The following CCDC85C variants were observed in gnomAD, a reference collection of about 807,000 sequenced individuals.
The protein encoded by CCDC85C is coiled-coil domain-containing protein 85C.
In CCDC85C, 18 loss-of-function variants were observed where a neutral mutation model predicts 38.3. The ratio of observed to expected loss-of-function variants is 0.47; its 90% CI spans 0.33 to 0.70. The LOEUF is 0.70. CCDC85C is among the 30% of genes least tolerant of loss of function. The probability of loss-of-function intolerance (pLI) is 0.03; values close to 1 mark genes in which losing one functional copy is unlikely to be tolerated. For synonymous variants in CCDC85C, 264 were observed against 293.8 expected, an observed-to-expected ratio of 0.90 and a Z score of 1.04; for missense variants, 566 against 621.2, an observed-to-expected ratio of 0.91 and a Z score of 0.94.
intron 3 of CCDC85C, among the ~76,000 whole-genome samples, chr14:99,518,793 G>C (rs1897264937): frequency 6.6e-6 from 1 of 152,222 alleles, no homozygotes; most frequent in South Asian, 2.1e-4. Flanking sequence ...ACAGGCAGGA[G>C]GGAAGCCAGG....
intron 1 of CCDC85C, among the ~76,000 whole-genome samples, chr14:99,601,698 T>G (rs1242108064): frequency 1.3e-5 from 2 of 152,066 alleles, no homozygotes; most frequent in Non-Finnish European, 2.9e-5. Flanking sequence ...ACCACCTAAC[T>G]TTGCGCTACT....
rs1441198272 is a variant in CCDC85C at position 99,545,917 on chromosome 14, C to A, written c.794-9829G>T. Among the ~76,000 whole-genome samples the A allele has an allele frequency of 1.3e-5, 2 of 152,104 alleles. No homozygotes were observed. Among genetic ancestry groups the A allele is most frequent in the African/African-American group, 4.8e-5 (2 of 41,418 alleles). On this transcript the variant is annotated intron_variant, in intron 1 of 5. Transcript: ENST00000380243. The surrounding 1 kb of genome is among the most constrained non-coding windows in gnomAD (Gnocchi z 4.7). ...GCTCTGTGGTCACTGTTCCAATCAT[C>A]CAACTCCCAGCCTCCAACTCCGAGG...
intron 1 of CCDC85C, among the ~76,000 whole-genome samples, chr14:99,552,529 C>T (rs1281734436): frequency 1.3e-5 from 2 of 152,230 alleles, no homozygotes; most frequent in African/African-American, 2.4e-5. Context: ...CGAGGTCAGA[C>T]TCTCTAGACC....
At chr14:99,563,288 G>A (rs192611518) in intron 1 of CCDC85C, among the ~76,000 whole-genome samples, 23 of 152,354 alleles carry the variant, frequency 1.5e-4, no homozygotes, top group Non-Finnish European at 2.6e-4. Context: ...CTGCCCTGCC[G>A]CGTTCCATCC....
chr14:99,559,155 A>G (rs1458119254), intron 1 of CCDC85C, among the ~76,000 whole-genome samples: 1 of 152,128 alleles, frequency 6.6e-6, no homozygotes, highest in Non-Finnish European at 1.5e-5. Context: ...TCTTTTATTT[A>G]TAAATTACCC....
At chr14:99,547,572 G>A (rs574488065) in intron 1 of CCDC85C, among the ~76,000 whole-genome samples, 6 of 152,200 alleles carry the variant, frequency 3.9e-5, no homozygotes, top group Middle Eastern at 3.4e-3. Context: ...CCAGGAGTTC[G>A]AGACTAGCCT....
Position 99,540,663 on chromosome 14 carries a change from G to T in CCDC85C, c.794-4575C>A, listed in dbSNP as rs113176006. ...TGGGGTGCTCCCCTAACCCGTCTGG[G>T]GGCCATCGGACCAATTCTGGGGGAT... On this transcript the variant is annotated intron_variant, in intron 1 of 5. Transcript: ENST00000380243. Among the ~76,000 whole-genome samples the T allele has an allele frequency of 3.2e-3, 487 of 152,268 alleles. 8 individuals carry two copies. Among genetic ancestry groups the T allele is most frequent in the African/African-American group, 0.011 (459 of 41,540 alleles).
chr14:99,536,092 G>A lies in CCDC85C; in HGVS notation c.794-4C>T. 1.3e-6 allele frequency: 2 copies of A among 1,548,518 alleles called. No homozygotes were observed. Among genetic ancestry groups the A allele is most frequent in the Non-Finnish European group, 1.7e-6 (2 of 1,144,186 alleles). ...CTGATGTAGGTGGATGAGGGATCTGGAAGGACACAAGAGGAAGGGGGACAT... is the reference window on the plus strand; with the variant it reads ...CTGATGTAGGTGGATGAGGGATCTGAAAGGACACAAGAGGAAGGGGGACAT... On this transcript the variant is annotated splice_region_variant and splice_polypyrimidine_tract_variant and intron_variant, in intron 1 of 5. Coordinates refer to ENST00000380243, the MANE Select transcript of CCDC85C (RefSeq NM_001144995.2).
chr14:99,570,598 G>T (rs1898317940), intron 1 of CCDC85C, among the ~76,000 whole-genome samples: 1 of 152,064 alleles, frequency 6.6e-6, no homozygotes, highest in African/African-American at 2.4e-5. Context: ...TGGGGCCAGG[G>T]ATATAACCTT....
chr14:99,580,745 G>A (rs943025112), intron 1 of CCDC85C, among the ~76,000 whole-genome samples: 8 of 152,056 alleles, frequency 5.3e-5, no homozygotes, highest in African/African-American at 1.7e-4. Flanking sequence ...GGCACCTATA[G>A]TCCCAGTTAC....
rs1030749326 is a variant in CCDC85C, at chr14:99,503,249, C to G, written c.*11997G>C. 2 of 645,948 alleles carry G rather than the reference C, an allele frequency of 3.1e-6. No individual in the cohort carries two copies. Among genetic ancestry groups the G allele is most frequent in the African/African-American group, 3.6e-5 (2 of 55,618 alleles). 40.0% of individuals were successfully genotyped at this position (645,948 alleles called of 1,614,324 possible). On this transcript the variant is annotated 3_prime_UTR_variant, in exon 6 of 6. Transcript: ENST00000380243. ...TCCCTGCCAGGGTTCTGAAGCCTGT[C>G]GGTGTCGTTGCCGTGTCCTAGCAGT...
chr14:99,530,102 G>A (rs546332227), intron 2 of CCDC85C, among the ~76,000 whole-genome samples: 6 of 152,322 alleles, frequency 3.9e-5, no homozygotes, highest in African/African-American at 1.4e-4. Context: ...TGTCAGCCCT[G>A]GTGACTCTCC....
chr14:99,561,968 C>T (rs1898125436), intron 1 of CCDC85C, among the ~76,000 whole-genome samples: 1 of 152,206 alleles, frequency 6.6e-6, no homozygotes, highest in Non-Finnish European at 1.5e-5. Context: ...CCTCATCCCT[C>T]TTCCTGGGCT....
intron 1 of CCDC85C, among the ~76,000 whole-genome samples, chr14:99,566,603 G>A (rs1890523944): frequency 6.6e-6 from 1 of 152,148 alleles, no homozygotes; most frequent in Non-Finnish European, 1.5e-5. Flanking sequence ...CTGGCCCCAT[G>A]AACTCTGCAC....
At position 99,544,381 on chromosome 14, in the gene CCDC85C, G is replaced by A. The variant is rs185718179; in HGVS notation, c.794-8293C>T. 9.8e-5 allele frequency among the ~76,000 whole-genome samples: 15 copies of A among 152,290 alleles called. No homozygotes were observed. The East Asian group carries it at 2.9e-3, about 29-fold the overall frequency. ...GTTCATTCTAAGCTTTGCCTGGCAA[G>A]GAGGCACAGCAACTTTCACCTACTC... On this transcript the variant is annotated intron_variant, in intron 1 of 5. Transcript: ENST00000380243. This position sits in a 1 kb window ranked among gnomAD's most constrained non-coding sequence, Gnocchi z 5.3.
intron 3 of CCDC85C, 97 bp downstream of exon 3, chr14:99,522,028 AACTCAGGC>A (rs1897309577): frequency 2.4e-6 from 2 of 834,062 alleles, no homozygotes; most frequent in African/African-American, 3.4e-5. Flanking sequence ...GCTGGGGCTG[AACTCAGGC>A]ACCCAGATCC....
At chr14:99,595,324 C>T (rs1372628723) in intron 1 of CCDC85C, among the ~76,000 whole-genome samples, 3 of 152,190 alleles carry the variant, frequency 2.0e-5, no homozygotes, top group African/African-American at 4.8e-5. Flanking sequence ...GGCGCGATGG[C>T]TCACTGCAAC....
chr14:99,585,341 G>C (rs1052693809), intron 1 of CCDC85C, among the ~76,000 whole-genome samples: 3 of 152,238 alleles, frequency 2.0e-5, no homozygotes, highest in African/African-American at 7.2e-5. Context: ...TATGTGGAGA[G>C]AGCACAGAGA....
At chr14:99,562,617 A>C (rs2139951198) in intron 1 of CCDC85C, among the ~76,000 whole-genome samples, 2 of 152,286 alleles carry the variant, frequency 1.3e-5, no homozygotes, top group East Asian at 3.9e-4. Context: ...GGTGAAACAA[A>C]AGTTAATCCA....
Sources: gnomAD v4.1 joint callset for allele counts (sites outside exome capture counted in the v4.1 genomes callset) on GRCh38, gnomAD v4.1.1 for gene constraint, Gnocchi (gnomAD v3.1) non-coding constraint, MANE v1.5 for transcripts, NCBI Gene and HGNC (gene_info 2026-07-23, HGNC 2026-07-21) for gene names.